The following EXD3 variants were observed in gnomAD, a reference collection of about 807,000 sequenced individuals.
EXD3 encodes exonuclease 3'-5' domain containing 3, also known as exonuclease mut-7 homolog.
In EXD3, 92 loss-of-function variants were observed where a neutral mutation model predicts 98.0. The observed-to-expected ratio is 0.94, with a 90% confidence interval of 0.79 to 1.12. The LOEUF is 1.12. Among genes scored for constraint, EXD3 ranks in the 50% most tolerant of loss-of-function variants. The pLI is 0.00. For missense variants in EXD3, 1,222 were observed against 1,191.6 expected (o/e 1.03, Z -0.38); for synonymous variants, 569 against 526.0 (o/e 1.08, Z -1.12).
intron 1 of EXD3, among the ~76,000 whole-genome samples, chr9:137,400,045 A>AAAAAAAAAAAAAAAAAAAGAAAAG (rs1564209842): frequency 6.7e-6 from 1 of 149,800 alleles, no homozygotes; most frequent in African/African-American, 2.5e-5. Context: ...AAAAAAAAAA[A>AAAAAAAAAAAAAAAAAAAGAAAAG]AAAGAAAATG....
In EXD3 at chr9:137,385,208, G is replaced by A. The variant is rs866861652; in HGVS notation, c.56-1831C>T. On this transcript the variant is annotated intron_variant, in intron 2 of 21. Transcript: ENST00000340951. This position sits in a 1 kb window ranked among gnomAD's most constrained non-coding sequence, Gnocchi z 4.4. ...AGTGTTCCCGTCTGCGCTCAGAACC[G>A]TCCCACCATCGTGCACAGTGTGCTG... Among the ~76,000 whole-genome samples the A allele has an allele frequency of 1.6e-4, 24 of 152,220 alleles. No homozygotes were observed. Among genetic ancestry groups the A allele is most frequent in the Middle Eastern group, 3.2e-3 (1 of 316 alleles).
At chr9:137,311,031 C>T (rs1386546360) in intron 19 of EXD3, among the ~76,000 whole-genome samples, 1 of 152,340 alleles carries the variant, frequency 6.6e-6, no homozygotes, top group South Asian at 2.1e-4. Flanking sequence ...CTGCCCCACA[C>T]GCTGTCTTCC....
Position 137,348,202 on chromosome 9 carries a change from G to C in EXD3, c.1867C>G (p.Pro623Ala), listed in dbSNP as rs1316537620. The C allele has an allele frequency of 1.2e-5, 20 of 1,611,786 alleles. No homozygotes were observed. The highest frequency in any genetic ancestry group is 1.7e-5 in the Non-Finnish European group (20 of 1,179,668). The change falls in exon 17 of 22, where the codon CCT becomes GCT. Residue 623 changes from proline (P) to alanine (A), a missense_variant. Transcript: ENST00000340951. ...CGGAAGGCCCTGGCCGGAATCTGAG[G>C]GGCAGCGCCCTCAGACACAGCCACA... ...VAVAVSEGAA[P>A]QIPARAFRVV...
intron 1 of EXD3, among the ~76,000 whole-genome samples, chr9:137,398,908 C>A (rs976276303): frequency 6.6e-6 from 1 of 151,320 alleles, no homozygotes. Context: ...CCAAGACACA[C>A]AGGCAACCGC....
chr9:137,388,674 C>A (rs942220718), intron 2 of EXD3, among the ~76,000 whole-genome samples: 2 of 152,144 alleles, frequency 1.3e-5, no homozygotes, highest in South Asian at 2.1e-4. Flanking sequence ...GGCCTCCAGG[C>A]AGGAAGTCTG....
In EXD3 at chr9:137,359,384, C is replaced by T. The variant is rs1834942619; in HGVS notation, c.657-3016G>A. Reference sequence around the variant, plus strand: ...CCACTGCCCAAATCTCAACATAGAACGTTCCAGGCCAGGTGCGGTGGCTCA... The same window carrying T: ...CCACTGCCCAAATCTCAACATAGAATGTTCCAGGCCAGGTGCGGTGGCTCA... On this transcript the variant is annotated intron_variant, in intron 7 of 21. Coordinates refer to ENST00000340951, the MANE Select transcript of EXD3 (RefSeq NM_017820.5). Among the ~76,000 whole-genome samples, 4 of 83,692 alleles carry T rather than the reference C, an allele frequency of 4.8e-5. 2 individuals carry two copies. The Admixed American group carries it at 5.7e-4, about 12-fold the overall frequency. The allele number at this position is 83,692 out of a possible 152,430, so 54.9% of individuals were successfully genotyped here. A position where few individuals can be genotyped will look rare whatever the true frequency, so the allele number is the denominator to read the frequency against.
chr9:137,333,304 G>T (rs543053233), intron 17 of EXD3, among the ~76,000 whole-genome samples: 10 of 152,246 alleles, frequency 6.6e-5, no homozygotes, highest in Admixed American at 3.3e-4. Flanking sequence ...TCCACCACTG[G>T]CTTCCTGGCT....
chr9:137,336,915 T>C (rs145272000), intron 17 of EXD3, among the ~76,000 whole-genome samples: 2 of 151,978 alleles, frequency 1.3e-5, no homozygotes, highest in East Asian at 3.9e-4. Context: ...TATCAATACT[T>C]AACAATAAAC....
chr9:137,313,962 G>A (rs962011617), intron 19 of EXD3, among the ~76,000 whole-genome samples: 1 of 152,204 alleles, frequency 6.6e-6, no homozygotes, highest in African/African-American at 2.4e-5. Context: ...ACATCGGGAA[G>A]AGGGATGCTG....
intron 1 of EXD3, among the ~76,000 whole-genome samples, chr9:137,418,361 CA>C (rs1351239960): frequency 6.6e-6 from 1 of 152,130 alleles, no homozygotes; most frequent in Non-Finnish European, 1.5e-5. Flanking sequence ...AAAAAACAAA[CA>C]ACAAACAAAC....
intron 1 of EXD3, among the ~76,000 whole-genome samples, chr9:137,399,098 G>A (rs980883676): frequency 2.0e-5 from 3 of 152,254 alleles, no homozygotes; most frequent in Admixed American, 6.5e-5. Context: ...CACGCACACT[G>A]CACCTCCACT....
At chr9:137,336,647 G>T (rs1342655202) in intron 17 of EXD3, among the ~76,000 whole-genome samples, 9 of 104,498 alleles carry the variant, frequency 8.6e-5, no homozygotes, top group Admixed American at 4.8e-4. Flanking sequence ...GACAAAGTGA[G>T]ACTCCGTCTA....
rs748448428 is a variant in EXD3 at position 137,307,089 on chromosome 9, C to T, written c.2492G>A (p.Cys831Tyr). Residue 831 changes from cysteine (C) to tyrosine (Y), a missense_variant, in exon 22 of 22, where the codon TGC becomes TAC. Physicochemically the swap from Cys to Tyr is radical, Grantham distance 194. Transcript: ENST00000340951. Reference sequence around the variant, plus strand: ...GAAGACCTTTCCACAGCCCGTGCAGCAGTAGAAGCACCGCAGCCCAGGTGT... The same window carrying T: ...GAAGACCTTTCCACAGCCCGTGCAGTAGTAGAAGCACCGCAGCCCAGGTGT... Reference protein sequence around the residue: ...LRTPGLRCFYCCTGCGKVFWD... With the variant: ...LRTPGLRCFYYCTGCGKVFWD... The T allele has an allele frequency of 4.3e-6, 7 of 1,610,642 alleles. No individual in the cohort carries two copies. The South Asian group carries it at 7.7e-5, about 18-fold the overall frequency.
At chr9:137,315,333 G>A (rs1831587028) in intron 19 of EXD3, among the ~76,000 whole-genome samples, 1 of 152,236 alleles carries the variant, frequency 6.6e-6, no homozygotes. Context: ...TGGTGTCCAG[G>A]CCTGGGGCTT....
chr9:137,317,047 C>T (rs1173703775), intron 19 of EXD3, among the ~76,000 whole-genome samples: 3 of 152,140 alleles, frequency 2.0e-5, no homozygotes, highest in Admixed American at 6.5e-5. Context: ...CTCAGCCTGA[C>T]AGGGCGGCCC....
chr9:137,358,298 C>T (rs572808506), intron 7 of EXD3, among the ~76,000 whole-genome samples: 3 of 152,302 alleles, frequency 2.0e-5, no homozygotes, highest in South Asian at 2.1e-4. Context: ...GGCTGAGAAG[C>T]GTCTGTGCAC....
rs944593132 is a variant in EXD3, at chr9:137,395,260, C to G, written c.55+43G>C. On this transcript the variant is annotated intron_variant, in intron 2 of 21. Transcript: ENST00000340951. This position sits in a 1 kb window ranked among gnomAD's most constrained non-coding sequence, Gnocchi z 6.5. ...CCCATGCACACCCACGCACCTCCCCCCACAGCCCCAGGGAGACTCGGCACC... is the reference window on the plus strand; with the variant it reads ...CCCATGCACACCCACGCACCTCCCCGCACAGCCCCAGGGAGACTCGGCACC... The G allele has an allele frequency of 6.3e-7, 1 of 1,586,928 alleles. No homozygotes were observed. Among genetic ancestry groups the G allele is most frequent in the African/African-American group, 1.3e-5 (1 of 74,314 alleles).
chr9:137,414,288 A>G (rs61683906), intron 1 of EXD3, among the ~76,000 whole-genome samples: 2,796 of 152,308 alleles, frequency 0.018, 76 homozygotes, highest in African/African-American at 0.063. Context: ...CTGCAGCAGC[A>G]TGTGCTGGAA....
Position 137,373,438 on chromosome 9 carries a change from C to G in EXD3, c.282G>C (p.Pro94=). ...CCCATGGGCTCACCTGGGCCAGGCT[C>G]GGGCATGGCTGTGCCTGTAGCCAGC... The part of the protein sequence containing the change: ...LQCWLQAQPC[P]SLAQHSLRLK... Residue 94 remains proline (P), a synonymous_variant, in exon 4 of 22, where the codon CCG becomes CCC. Coordinates refer to ENST00000340951, the MANE Select transcript of EXD3 (RefSeq NM_017820.5). The G allele has an allele frequency of 4.4e-6, 7 of 1,607,590 alleles. No individual in the cohort carries two copies. In the Middle Eastern group the frequency reaches 5.9e-4, roughly 135 times the overall value.
Sources: allele counts gnomAD v4.1 joint callset (sites outside exome capture counted in the v4.1 genomes callset), GRCh38; gene constraint gnomAD v4.1.1; non-coding constraint Gnocchi (gnomAD v3.1); transcripts MANE v1.5; gene names NCBI Gene and HGNC (gene_info 2026-07-23, HGNC 2026-07-21).